SDK1: variants seen among roughly 807,000 people sequenced by gnomAD.
The protein encoded by SDK1 is protein sidekick-1.
A neutral mutation model predicts 245.5 loss-of-function variants in SDK1; 157 were observed. The ratio of observed to expected loss-of-function variants is 0.64; its 90% CI spans 0.56 to 0.73. The LOEUF is 0.73. Ranked by LOEUF, SDK1 falls within the 30% of genes least tolerant of loss-of-function variation. The pLI, the probability that SDK1 is intolerant of heterozygous loss-of-function variation, is 0.00. For synonymous variants in SDK1, 1,647 were observed against 1,278.5 expected (o/e 1.29, Z -6.15); for missense variants, 3,583 against 3,002.3 (o/e 1.19, Z -4.52).
In SDK1 at chr7:3,914,298, A is replaced by G. The variant is rs760778068; in HGVS notation, c.848-36625A>G. Among the ~76,000 whole-genome samples the G allele has an allele frequency of 7.9e-5, 12 of 152,180 alleles. 1 individual carries two copies. Among genetic ancestry groups the G allele is most frequent in the Admixed American group, 2.0e-4 (3 of 15,282 alleles). On this transcript the variant is annotated intron_variant, in intron 5 of 44. Coordinates refer to ENST00000404826, the MANE Select transcript of SDK1 (RefSeq NM_152744.4). ...ATTGTGTCTTACTGGGTTCATGTCA[A>G]ATCTTTTCAATGTGTATAATATTCT...
chr7:3,620,643 A>G (rs1429737811), intron 2 of SDK1, among the ~76,000 whole-genome samples: 3 of 152,072 alleles, frequency 2.0e-5, no homozygotes, highest in Admixed American at 6.5e-5. Context: ...GATTTTCTGT[A>G]AAAACCTTGC....
intron 41 of SDK1, among the ~76,000 whole-genome samples, chr7:4,236,573 G>A (rs951870705): frequency 2.0e-5 from 3 of 152,054 alleles, no homozygotes; most frequent in African/African-American, 2.4e-5. Flanking sequence ...TGTTTGCGGC[G>A]GGGGCTTCCA....
At chr7:3,677,042 T>C (rs1374744996) in intron 4 of SDK1, among the ~76,000 whole-genome samples, 1 of 152,198 alleles carries the variant, frequency 6.6e-6, no homozygotes, top group Non-Finnish European at 1.5e-5. Flanking sequence ...GCCTCTGGGA[T>C]GTTTGTTTCT....
At chr7:3,455,418 A>G (rs1203233349) in intron 1 of SDK1, among the ~76,000 whole-genome samples, 1 of 150,218 alleles carries the variant, frequency 6.7e-6, no homozygotes, top group Non-Finnish European at 1.5e-5. Context: ...AGTTTTAAGC[A>G]TTACATATAA....
chr7:3,433,957 GC>G (rs1448187494), intron 1 of SDK1, among the ~76,000 whole-genome samples: 3 of 152,122 alleles, frequency 2.0e-5, no homozygotes, highest in Non-Finnish European at 4.4e-5. Context: ...GATACTTTGC[GC>G]ATAACTACCG....
chr7:4,230,814 G>A lies in SDK1; in HGVS notation c.5828-2441G>A, dbSNP rs927990866. Reference sequence around the variant, plus strand: ...GGAAGCAGTCATCCCTTCCTGGAACGTGGGGTGGGGTCAAGGTTGACCTCA... The same window carrying A: ...GGAAGCAGTCATCCCTTCCTGGAACATGGGGTGGGGTCAAGGTTGACCTCA... On this transcript the variant is annotated intron_variant, in intron 40 of 44. Coordinates refer to ENST00000404826, the MANE Select transcript of SDK1 (RefSeq NM_152744.4). 3.0e-4 allele frequency among the ~76,000 whole-genome samples: 46 copies of A among 152,248 alleles called. 1 individual carries two copies. The highest frequency in any genetic ancestry group is 1.0e-3 in the African/African-American group (42 of 41,542).
intron 1 of SDK1, among the ~76,000 whole-genome samples, chr7:3,602,371 T>C (rs1781280653): frequency 6.6e-6 from 1 of 151,910 alleles, no homozygotes; most frequent in Admixed American, 6.6e-5. Flanking sequence ...ATTGCTATTC[T>C]AACTGGTGTG....
chr7:4,044,362 G>A (rs1583925121), intron 17 of SDK1, among the ~76,000 whole-genome samples: 1 of 152,228 alleles, frequency 6.6e-6, no homozygotes, highest in South Asian at 2.1e-4. Flanking sequence ...TATTGGTCAA[G>A]CAGTCTCAGA....
intron 4 of SDK1, among the ~76,000 whole-genome samples, chr7:3,660,683 A>G (rs1242445773): frequency 1.3e-5 from 2 of 152,242 alleles, no homozygotes; most frequent in Non-Finnish European, 2.9e-5. Context: ...TCAAACAACC[A>G]TAGCAGCACT....
intron 5 of SDK1, among the ~76,000 whole-genome samples, chr7:3,847,308 T>C (rs1780305404): frequency 6.6e-6 from 1 of 152,242 alleles, no homozygotes; most frequent in African/African-American, 2.4e-5. Context: ...ATCGACTTGG[T>C]CGCCATAAAC....
chr7:3,655,109 A>G (rs1783121507), intron 4 of SDK1, among the ~76,000 whole-genome samples: 1 of 149,636 alleles, frequency 6.7e-6, no homozygotes, highest in Non-Finnish European at 1.5e-5. Flanking sequence ...GGCAATGATC[A>G]CAATCAAGAG....
rs1343793564 is a variant in SDK1 at position 3,974,428 on chromosome 7, TGGA to T, written c.1879_1881del (p.Glu627del). The T allele has an allele frequency of 6.2e-7, 1 of 1,614,094 alleles. No homozygotes were observed. Among genetic ancestry groups the T allele is most frequent in the Non-Finnish European group, 8.5e-7 (1 of 1,179,998 alleles). ...CCATCGAGCACGTCTAGGATCGTGG[TGGA>T]GAAGGACGGGTCCCTTCTCATCAGC... On this transcript the variant is annotated inframe_deletion, in exon 13 of 45. Coordinates refer to ENST00000404826, the MANE Select transcript of SDK1 (RefSeq NM_152744.4).
chr7:3,330,662 A>T (rs1400688145), intron 1 of SDK1, among the ~76,000 whole-genome samples: 2 of 152,110 alleles, frequency 1.3e-5, no homozygotes, highest in Non-Finnish European at 2.9e-5. Context: ...GAGCTATGTC[A>T]ACTTTTCTTT....
At chr7:4,174,003 C>T (rs1782015885) in intron 32 of SDK1, among the ~76,000 whole-genome samples, 3 of 152,350 alleles carry the variant, frequency 2.0e-5, no homozygotes, top group South Asian at 4.1e-4. Context: ...TCCCCACACA[C>T]ATGCACATGA....
intron 5 of SDK1, among the ~76,000 whole-genome samples, chr7:3,919,156 C>T (rs577328843): frequency 6.6e-6 from 1 of 152,218 alleles, no homozygotes; most frequent in African/African-American, 2.4e-5. Context: ...CTTTCACCTT[C>T]CCCCTGCCTG....
At chr7:4,049,878 T>G (rs998323265) in intron 18 of SDK1, among the ~76,000 whole-genome samples, 1 of 152,148 alleles carries the variant, frequency 6.6e-6, no homozygotes, top group African/African-American at 2.4e-5. Context: ...TCTCCTCCCT[T>G]TCTACTTCAG....
chr7:3,347,882 C>G (rs913011570), intron 1 of SDK1, among the ~76,000 whole-genome samples: 1 of 125,080 alleles, frequency 8.0e-6, no homozygotes, highest in Non-Finnish European at 1.6e-5. Flanking sequence ...GTTACAAACA[C>G]ATTAAATATG....
intron 1 of SDK1, among the ~76,000 whole-genome samples, chr7:3,430,409 A>G (rs1224052461): frequency 6.6e-6 from 1 of 152,176 alleles, no homozygotes; most frequent in Non-Finnish European, 1.5e-5. Context: ...CAGGTATCCT[A>G]AGGGACCATG....
chr7:4,239,913 C>G lies in SDK1; in HGVS notation c.6131-1880C>G, dbSNP rs113172962. On this transcript the variant is annotated intron_variant, in intron 42 of 44. Coordinates refer to ENST00000404826, the MANE Select transcript of SDK1 (RefSeq NM_152744.4). ...GCCAAGGAGCCAGGCAGAGTAGGTT[C>G]CTGACCCCGACCACAAGTCCTACCA... Among the ~76,000 whole-genome samples the G allele has an allele frequency of 2.3e-3, 348 of 152,284 alleles. 2 individuals carry two copies. Among genetic ancestry groups the G allele is most frequent in the African/African-American group, 7.9e-3 (328 of 41,540 alleles).
Sources: gnomAD v4.1 joint callset for allele counts (sites outside exome capture counted in the v4.1 genomes callset) on GRCh38, gnomAD v4.1.1 for gene constraint, MANE v1.5 for transcripts, NCBI Gene and HGNC (gene_info 2026-07-23, HGNC 2026-07-21) for gene names.